NBEAL1: variants seen among roughly 807,000 people sequenced by gnomAD.
NBEAL1 encodes the protein neurobeachin-like protein 1.
A neutral mutation model predicts 351.3 loss-of-function variants in NBEAL1; 273 were observed. The observed-to-expected ratio is 0.78, with a 90% CI of 0.70 to 0.86. The LOEUF (loss-of-function observed/expected upper bound fraction) is 0.86, where lower values mean the gene tolerates loss of function less well. Among genes scored for constraint, NBEAL1 ranks in the 40% least tolerant of loss-of-function variants. The pLI, the probability that NBEAL1 is intolerant of heterozygous loss-of-function variation, is 0.00. For synonymous variants in NBEAL1, 1,050 were observed against 1,086.4 expected, an observed-to-expected ratio of 0.97 and a Z score of 0.66; for missense variants, 2,961 against 3,201.3, an observed-to-expected ratio of 0.92 and a Z score of 1.81.
intron 14 of NBEAL1, among the ~76,000 whole-genome samples, chr2:203,109,317 C>T (rs2062509108): frequency 6.6e-6 from 1 of 152,008 alleles, no homozygotes; most frequent in Admixed American, 6.5e-5. Flanking sequence ...TGAGATCGCA[C>T]CACTGTGCTC....
At chr2:203,045,775 AGAG>A (rs1333261928) in intron 3 of NBEAL1, among the ~76,000 whole-genome samples, 3 of 152,204 alleles carry the variant, frequency 2.0e-5, no homozygotes, top group Non-Finnish European at 4.4e-5. Flanking sequence ...AAGCTGAAGA[AGAG>A]GTAACTATAA....
chr2:203,209,736 T>TGTGC (rs1041985642), intron 53 of NBEAL1, among the ~76,000 whole-genome samples: 4 of 151,864 alleles, frequency 2.6e-5, no homozygotes, highest in African/African-American at 9.7e-5. Context: ...TGTGTGTGTG[T>TGTGC]GTGTGTGTGT....
chr2:203,108,186 C>T lies in NBEAL1; in HGVS notation c.1947C>T (p.Tyr649=). 1 of 1,539,392 alleles carries T rather than the reference C, an allele frequency of 6.5e-7. No individual in the cohort carries two copies. Among genetic ancestry groups the T allele is most frequent in the Non-Finnish European group, 8.8e-7 (1 of 1,138,622 alleles). ...ANKGGKRKQL[Y]SFFTGSGMGF... ...AAGGAGGGAAAAGGAAACAATTGTA[C>T]AGGTATTGGTAAAAATTATGGAATA... Residue 649 remains tyrosine, a splice_region_variant and synonymous_variant, in exon 14 of 56, where the codon TAC becomes TAT. Coordinates refer to ENST00000683969, the MANE Select transcript of NBEAL1 (RefSeq NM_001378026.1).
intron 51 of NBEAL1, among the ~76,000 whole-genome samples, chr2:203,205,203 T>C (rs1369599910): frequency 6.6e-6 from 1 of 152,150 alleles, no homozygotes; most frequent in African/African-American, 2.4e-5. Context: ...CTTTATAGTT[T>C]TAATGAAATT....
At chr2:203,067,391 A>G (rs2106123786) in intron 6 of NBEAL1, among the ~76,000 whole-genome samples, 1 of 152,342 alleles carries the variant, frequency 6.6e-6, no homozygotes, top group African/African-American at 2.4e-5. Context: ...ATGATTTCTA[A>G]TGAATTTGGA....
At chr2:203,035,028 A>G (rs549445373) in intron 2 of NBEAL1, among the ~76,000 whole-genome samples, 13 of 149,502 alleles carry the variant, frequency 8.7e-5, no homozygotes, top group East Asian at 5.8e-4. Context: ...TAATCCAAAT[A>G]TCATTGCATA....
intron 2 of NBEAL1, among the ~76,000 whole-genome samples, chr2:203,030,860 C>G (rs1451401465): frequency 1.3e-5 from 2 of 152,144 alleles, no homozygotes; most frequent in South Asian, 4.2e-4. Context: ...AAAAAAAATT[C>G]AAAAATTAGC....
Position 203,138,033 on chromosome 2 carries a change from G to A in NBEAL1, c.4566-129G>A, listed in dbSNP as rs192362881. On this transcript the variant is annotated intron_variant, in intron 29 of 55. Coordinates refer to ENST00000683969, the MANE Select transcript of NBEAL1 (RefSeq NM_001378026.1). ...CAATTTCCATTTACAGTATCTTAGG[G>A]ATACCTGCTAGAGATAGTATATCTT... is the stretch of plus-strand genomic sequence containing the variant. The A allele has an allele frequency of 3.6e-6, 3 of 828,698 alleles. No individual in the cohort carries two copies. The Admixed American group carries it at 8.7e-5, about 24-fold the overall frequency. 51.3% of individuals were successfully genotyped at this position (828,698 alleles called of 1,614,324 possible).
intron 17 of NBEAL1, among the ~76,000 whole-genome samples, chr2:203,114,421 A>G (rs1337044050): frequency 1.3e-5 from 2 of 152,234 alleles, no homozygotes; most frequent in Non-Finnish European, 2.9e-5. Context: ...ATATATTAAT[A>G]TATCTGAAGA....
intron 7 of NBEAL1, among the ~76,000 whole-genome samples, chr2:203,077,164 C>T (rs1006116016): frequency 1.3e-5 from 2 of 151,970 alleles, no homozygotes; most frequent in Admixed American, 1.3e-4. Flanking sequence ...GTAATCTCAG[C>T]ACTTTGGGAG....
intron 11 of NBEAL1, 80 bp from the exon 12 acceptor site, chr2:203,099,549 T>G (rs754755623): frequency 1.4e-5 from 12 of 888,302 alleles, no homozygotes; most frequent in Non-Finnish European, 1.9e-5. Context: ...TTTTTCAGGT[T>G]TTCAGACCAA....
At chr2:203,071,301 G>T (rs938773861) in intron 7 of NBEAL1, among the ~76,000 whole-genome samples, 1 of 152,126 alleles carries the variant, frequency 6.6e-6, no homozygotes, top group Non-Finnish European at 1.5e-5. Flanking sequence ...TTTGTGGCTT[G>T]CAGATAGTCA....
intron 17 of NBEAL1, among the ~76,000 whole-genome samples, chr2:203,114,230 T>C (rs1252591424): frequency 1.3e-5 from 2 of 152,200 alleles, no homozygotes; most frequent in Non-Finnish European, 2.9e-5. Flanking sequence ...TACAGTCACA[T>C]TGGGGATTAT....
In NBEAL1 at chr2:203,197,866, G is replaced by A. The variant is rs376972841; in HGVS notation, c.7128+475G>A. 7.9e-5 allele frequency among the ~76,000 whole-genome samples: 12 copies of A among 151,956 alleles called. 1 individual carries two copies. Among genetic ancestry groups the A allele is most frequent in the African/African-American group, 2.9e-4 (12 of 41,464 alleles). On this transcript the variant is annotated intron_variant, in intron 48 of 55. Coordinates refer to ENST00000683969, the MANE Select transcript of NBEAL1 (RefSeq NM_001378026.1). ...GGAGGTTGCAGTGAGCCAAGATCGC[G>A]CCACTGCACTCCAGCCTGGGTGACA...
At chr2:203,169,882 G>A (rs2064266194) in intron 39 of NBEAL1, 31 bp downstream of exon 39, 3 of 1,231,284 alleles carry the variant, frequency 2.4e-6, no homozygotes, top group South Asian at 1.3e-5. Context: ...CTAATGAACT[G>A]TTCTGCTCTT....
At chr2:203,163,376 A>G (rs2064028695) in intron 36 of NBEAL1, among the ~76,000 whole-genome samples, 2 of 152,210 alleles carry the variant, frequency 1.3e-5, no homozygotes, top group African/African-American at 2.4e-5. Context: ...AATTTTGTTT[A>G]AAGTCCTTTT....
intron 31 of NBEAL1, among the ~76,000 whole-genome samples, chr2:203,142,353 G>A (rs770741470): frequency 2.0e-5 from 3 of 152,036 alleles, no homozygotes; most frequent in East Asian, 1.9e-4. Flanking sequence ...ATGGCATTTC[G>A]CCATGCTGGC....
At chr2:203,130,201 G>A in intron 24 of NBEAL1, 117 bp from the exon 25 acceptor site, 2 of 970,674 alleles carry the variant, frequency 2.1e-6, no homozygotes, top group South Asian at 3.9e-5. Flanking sequence ...CAGATATAGT[G>A]AAGTTAAGAT....
chr2:203,192,199 G>A (rs894314985), intron 46 of NBEAL1, among the ~76,000 whole-genome samples: 3 of 152,166 alleles, frequency 2.0e-5, no homozygotes, highest in Non-Finnish European at 4.4e-5. Flanking sequence ...ACAGTCAGAA[G>A]GCGAAAGTAA....
Sources: gnomAD v4.1 joint callset for allele counts (sites outside exome capture counted in the v4.1 genomes callset) on GRCh38, gnomAD v4.1.1 for gene constraint, MANE v1.5 for transcripts, NCBI Gene and HGNC (gene_info 2026-07-23, HGNC 2026-07-21) for gene names.